MCUB: variants seen among roughly 807,000 people sequenced by gnomAD.
The protein encoded by MCUB is mitochondrial calcium uniporter dominant negative subunit beta.
In MCUB, 46 loss-of-function variants were observed where a neutral mutation model predicts 41.4. That is an observed-to-expected ratio of 1.11 (90% CI 0.88 to 1.42). The LOEUF is 1.42. Ranked by LOEUF, MCUB falls within the 40% of genes most tolerant of loss-of-function variation. The pLI is 0.00. For synonymous variants in MCUB, 148 were observed against 148.2 expected (o/e 1.00, Z 0.01); for missense variants, 403 against 404.9 (o/e 1.00, Z 0.04).
intron 1 of MCUB, among the ~76,000 whole-genome samples, chr4:109,606,727 CT>C (rs1206493335): frequency 1.3e-5 from 2 of 152,104 alleles, no homozygotes; most frequent in African/African-American, 4.8e-5. Context: ...ATTTTACTGT[CT>C]CTTTAAAAGT....
At chr4:109,681,606 G>A in intron 4 of MCUB, 1 of 301,906 alleles carries the variant, frequency 3.3e-6, no homozygotes, top group East Asian at 1.0e-4. Context: ...CGTGGGTCAC[G>A]GAAGACAACC....
intron 1 of MCUB, among the ~76,000 whole-genome samples, chr4:109,575,258 C>T (rs1396322727): frequency 6.6e-6 from 1 of 152,184 alleles, no homozygotes; most frequent in Non-Finnish European, 1.5e-5. Flanking sequence ...ATCTGCCTTC[C>T]CCACCAAGGA....
chr4:109,675,833 C>G (rs1579095660), intron 4 of MCUB, among the ~76,000 whole-genome samples: 1 of 152,362 alleles, frequency 6.6e-6, no homozygotes, highest in East Asian at 1.9e-4. Context: ...CACTTGCTTT[C>G]TCTCTGCCTC....
At chr4:109,674,178 T>A in intron 4 of MCUB, 6 of 866,588 alleles carry the variant, frequency 6.9e-6, no homozygotes, top group Non-Finnish European at 1.2e-5. Flanking sequence ...CGTCTCATTA[T>A]TGAAGTTACC....
intron 1 of MCUB, among the ~76,000 whole-genome samples, chr4:109,610,700 C>T (rs1243212997): frequency 1.3e-5 from 2 of 152,108 alleles, no homozygotes; most frequent in Admixed American, 1.3e-4. Flanking sequence ...CATCATTATG[C>T]GAACATCAGA....
At chr4:109,591,825 A>G (rs898076043) in intron 1 of MCUB, among the ~76,000 whole-genome samples, 3 of 151,672 alleles carry the variant, frequency 2.0e-5, no homozygotes, top group African/African-American at 4.8e-5. Context: ...CAGCCTCCCA[A>G]GTAGCTGGGA....
chr4:109,670,754 C>A (rs1050269541), intron 4 of MCUB, among the ~76,000 whole-genome samples: 5 of 151,646 alleles, frequency 3.3e-5, no homozygotes, highest in Non-Finnish European at 5.9e-5. Context: ...GAACAGAATT[C>A]TCTGGCATAT....
intron 1 of MCUB, among the ~76,000 whole-genome samples, chr4:109,561,265 TC>T (rs1351876212): frequency 6.6e-6 from 1 of 152,104 alleles, no homozygotes; most frequent in East Asian, 1.9e-4. Flanking sequence ...CGTTTGTTCC[TC>T]CCCCACACTG....
chr4:109,664,408 C>A lies in MCUB; in HGVS notation c.451+14C>A, dbSNP rs1561246340. 2 of 969,584 alleles carry A rather than the reference C, an allele frequency of 2.1e-6. No homozygotes were observed. Among genetic ancestry groups the A allele is most frequent in the Non-Finnish European group, 3.2e-6 (2 of 630,736 alleles). The allele number at this position is 969,584 out of a possible 1,614,324, so 60.1% of individuals were successfully genotyped here. ...GTCCAAAGAGAGGTAAGAAACACAGCTATCCAACTATTACTTTTTTTTTTT... is the reference window on the plus strand; with the variant it reads ...GTCCAAAGAGAGGTAAGAAACACAGATATCCAACTATTACTTTTTTTTTTT... On this transcript the variant is annotated intron_variant, in intron 4 of 7. Coordinates refer to ENST00000394650, the MANE Select transcript of MCUB (RefSeq NM_017918.5).
intron 4 of MCUB, among the ~76,000 whole-genome samples, chr4:109,670,180 T>C (rs1298298500): frequency 6.6e-6 from 1 of 152,180 alleles, no homozygotes; most frequent in Non-Finnish European, 1.5e-5. Flanking sequence ...GGGGAAGTGT[T>C]CTGTAGTCCT....
At chr4:109,566,404 AGCTT>A (rs1334236912) in intron 1 of MCUB, among the ~76,000 whole-genome samples, 1 of 151,070 alleles carries the variant, frequency 6.6e-6, no homozygotes, top group Non-Finnish European at 1.5e-5. Flanking sequence ...CGGGAGGCAG[AGCTT>A]GTAGTGAGCC....
intron 4 of MCUB, among the ~76,000 whole-genome samples, chr4:109,666,749 C>T (rs1729353930): frequency 6.6e-6 from 1 of 152,146 alleles, no homozygotes; most frequent in East Asian, 1.9e-4. Context: ...TTGTCTTTCA[C>T]AAGTTGAGGA....
chr4:109,563,866 C>T lies in MCUB; in HGVS notation c.99+3430C>T, dbSNP rs565722460. On this transcript the variant is annotated intron_variant, in intron 1 of 7. Transcript: ENST00000394650. ...CCTCCCAAAGTGCTGGGATTACAGG[C>T]GTGAGCCACCGCGCCCAGCCCACAG... 2.6e-5 allele frequency among the ~76,000 whole-genome samples: 4 copies of T among 152,168 alleles called. No homozygotes were observed. In the East Asian group the frequency reaches 7.8e-4, roughly 30 times the overall value.
At chr4:109,679,607 G>C (rs1729670747) in intron 4 of MCUB, among the ~76,000 whole-genome samples, 1 of 152,188 alleles carries the variant, frequency 6.6e-6, no homozygotes, top group Non-Finnish European at 1.5e-5. Flanking sequence ...CGGCAAGAGA[G>C]GGAGACTGGG....
At chr4:109,570,970 A>C (rs1479338883) in intron 1 of MCUB, among the ~76,000 whole-genome samples, 1 of 152,232 alleles carries the variant, frequency 6.6e-6, no homozygotes, top group Non-Finnish European at 1.5e-5. Context: ...AAGATGTATA[A>C]TGAATTCCTG....
chr4:109,579,653 T>A (rs1727123604), intron 1 of MCUB, among the ~76,000 whole-genome samples: 1 of 152,122 alleles, frequency 6.6e-6, no homozygotes, highest in South Asian at 2.1e-4. Flanking sequence ...CAAATGACCA[T>A]GAATGTATCG....
chr4:109,573,345 C>T (rs145611274), intron 1 of MCUB, among the ~76,000 whole-genome samples: 71 of 151,422 alleles, frequency 4.7e-4, no homozygotes, highest in African/African-American at 1.6e-3. Context: ...CCCCACTACT[C>T]GGGAGGCTGC....
At position 109,659,503 on chromosome 4, in the gene MCUB, T is replaced by C. The variant is rs568567309; in HGVS notation, c.175+417T>C. Among the ~76,000 whole-genome samples the C allele has an allele frequency of 7.2e-5, 11 of 152,220 alleles. No homozygotes were observed. In the South Asian group the frequency reaches 2.3e-3, roughly 32 times the overall value. ...TACCCAAGAGATTGAGGTGGGAAGA[T>C]TGCTTGAGCCCAGGAGGTAGAGGCT... is the stretch of plus-strand genomic sequence containing the variant. On this transcript the variant is annotated intron_variant, in intron 2 of 7. Transcript: ENST00000394650.
At chr4:109,562,991 A>G (rs1194236735) in intron 1 of MCUB, among the ~76,000 whole-genome samples, 1 of 152,232 alleles carries the variant, frequency 6.6e-6, no homozygotes. Context: ...TGGGCAAGGC[A>G]TGGCCTGGTG....
Sources: allele counts gnomAD v4.1 joint callset (sites outside exome capture counted in the v4.1 genomes callset), GRCh38; gene constraint gnomAD v4.1.1; transcripts MANE v1.5; gene names NCBI Gene and HGNC (gene_info 2026-07-23, HGNC 2026-07-21).